SLC8A1: variants seen among roughly 807,000 people sequenced by gnomAD.
SLC8A1 encodes solute carrier family 8 member A1, also known as sodium/calcium exchanger 1.
Under a neutral mutation model 68.3 loss-of-function variants are expected in SLC8A1, and 18 were observed. That is an observed-to-expected ratio of 0.26 (90% CI 0.18 to 0.39). The LOEUF (loss-of-function observed/expected upper bound fraction) is 0.39. Among genes scored for constraint, SLC8A1 ranks in the 10% least tolerant of loss-of-function variants. The pLI is 1.00. For synonymous variants in SLC8A1, 475 were observed against 415.5 expected, an observed-to-expected ratio of 1.14 and a Z score of -1.74; for missense variants, 985 against 1,156.7, an observed-to-expected ratio of 0.85 and a Z score of 2.15.
chr2:40,333,990 G>C (rs771908123), intron 2 of SLC8A1, among the ~76,000 whole-genome samples: 16 of 152,320 alleles, frequency 1.1e-4, no homozygotes, highest in Non-Finnish European at 1.5e-4. Context: ...AGAGGTTGCA[G>C]TGAGCCGAGA....
chr2:40,104,816 T>A (rs2034096865), exon 8 of SLC8A1: 1 of 152,218 alleles, frequency 6.6e-6, no homozygotes, highest in African/African-American at 2.4e-5. Flanking sequence ...CTGTATAGTT[T>A]ATGAGCCTAT....
rs930958815 is a variant in SLC8A1 at position 40,508,470 on chromosome 2, T to A, written c.-25+3879A>T. ...ATGCTCTTTCAATATGTCTGTTTGA[T>A]GATTTTCTAAAACAATATAAAATTT... is the stretch of plus-strand genomic sequence containing the variant. On this transcript the variant is annotated intron_variant, in intron 1 of 7. Coordinates refer to the SLC8A1 transcript ENST00000402441. 4.6e-5 allele frequency among the ~76,000 whole-genome samples: 7 copies of A among 152,092 alleles called. No homozygotes were observed. In the East Asian group the frequency reaches 9.6e-4, roughly 21 times the overall value.
chr2:40,369,876 C>G (rs1036356459), intron 2 of SLC8A1, among the ~76,000 whole-genome samples: 1 of 71,966 alleles, frequency 1.4e-5, no homozygotes, highest in African/African-American at 1.4e-4. Flanking sequence ...AGAAAAAAAA[C>G]CAAAAAAATA....
chr2:40,375,750 C>T (rs1679619458), intron 2 of SLC8A1, among the ~76,000 whole-genome samples: 1 of 152,104 alleles, frequency 6.6e-6, no homozygotes, highest in South Asian at 2.1e-4. Context: ...CACCTGTAAT[C>T]CCAGCACTTT....
chr2:40,177,171 TA>T (rs1357553427), intron 3 of SLC8A1, among the ~76,000 whole-genome samples: 1 of 152,184 alleles, frequency 6.6e-6, no homozygotes, highest in Non-Finnish European at 1.5e-5. Context: ...TTTGATGATA[TA>T]AAAATATGCT....
chr2:40,229,985 TC>T (rs1343440850), intron 2 of SLC8A1, among the ~76,000 whole-genome samples: 3 of 152,138 alleles, frequency 2.0e-5, no homozygotes, highest in Non-Finnish European at 4.4e-5. Context: ...ATCTTAGAGA[TC>T]AACTAAACCA....
intron 1 of SLC8A1, among the ~76,000 whole-genome samples, chr2:40,476,601 TTA>T (rs1441406279): frequency 6.6e-6 from 1 of 152,168 alleles, no homozygotes; most frequent in African/African-American, 2.4e-5. Context: ...TGGGACAAGA[TTA>T]GTCTGGGCAG....
At chr2:40,267,818 C>T (rs1188038638) in intron 2 of SLC8A1, among the ~76,000 whole-genome samples, 5 of 152,096 alleles carry the variant, frequency 3.3e-5, no homozygotes, top group African/African-American at 9.7e-5. Flanking sequence ...AGGTGTGCAT[C>T]GAGCACACAA....
At chr2:40,324,028 TG>T (rs376852753) in intron 2 of SLC8A1, among the ~76,000 whole-genome samples, 5,259 of 134,968 alleles carry the variant, frequency 0.039, 112 homozygotes, top group Middle Eastern at 0.054. Context: ...AAGTTAAAGG[TG>T]GGGGGGGGGC....
intron 1 of SLC8A1, among the ~76,000 whole-genome samples, chr2:40,469,599 AT>A (rs36099072): frequency 0.088 from 13,393 of 151,676 alleles, 959 homozygotes; most frequent in East Asian, 0.31. Context: ...TTTTATTTTT[AT>A]TTTTTTTGCA....
At chr2:40,381,146 G>C (rs187608907) in intron 2 of SLC8A1, among the ~76,000 whole-genome samples, 1 of 152,058 alleles carries the variant, frequency 6.6e-6, no homozygotes, top group Admixed American at 6.6e-5. Flanking sequence ...ACCTCAGCTG[G>C]TTGCTCCAAA....
intron 2 of SLC8A1, chr2:40,255,097 C>G (rs2063680593): frequency 6.6e-6 from 1 of 152,068 alleles, no homozygotes; most frequent in African/African-American, 2.4e-5. Context: ...TTCTCTATGT[C>G]TGCGCTTAAG....
intron 1 of SLC8A1, among the ~76,000 whole-genome samples, chr2:40,442,041 A>C (rs1486168874): frequency 9.1e-6 from 1 of 110,156 alleles, no homozygotes; most frequent in Non-Finnish European, 1.7e-5. Flanking sequence ...ATAGTGCCGC[A>C]ATAGTGGTGG....
chr2:40,248,578 T>C (rs1397658988), intron 2 of SLC8A1, among the ~76,000 whole-genome samples: 1 of 152,222 alleles, frequency 6.6e-6, no homozygotes, highest in East Asian at 1.9e-4. Flanking sequence ...ATAAGCCACC[T>C]AGTCTATGGT....
intron 2 of SLC8A1, among the ~76,000 whole-genome samples, chr2:40,279,129 T>A (rs1055825311): frequency 6.6e-6 from 1 of 152,080 alleles, no homozygotes; most frequent in Non-Finnish European, 1.5e-5. Context: ...TAGCTATTTA[T>A]GAGTAGTTTA....
intron 2 of SLC8A1, among the ~76,000 whole-genome samples, chr2:40,249,078 T>C (rs1041102696): frequency 6.6e-6 from 1 of 152,332 alleles, no homozygotes; most frequent in African/African-American, 2.4e-5. Flanking sequence ...CCTGCTGCAA[T>C]ATCTTCTAGG....
At chr2:40,491,955 G>A (rs1223312311) in intron 1 of SLC8A1, among the ~76,000 whole-genome samples, 11 of 152,060 alleles carry the variant, frequency 7.2e-5, no homozygotes, top group Non-Finnish European at 5.9e-5. Context: ...TCCCCATCAA[G>A]CTACCAATGA....
At chr2:40,374,575 G>A (rs1288101694) in intron 2 of SLC8A1, among the ~76,000 whole-genome samples, 2 of 151,960 alleles carry the variant, frequency 1.3e-5, no homozygotes, top group Non-Finnish European at 2.9e-5. Flanking sequence ...GTAAAGGAAA[G>A]AACTAGGTAA....
intron 7 of SLC8A1, among the ~76,000 whole-genome samples, chr2:40,117,988 A>G (rs1033357681): frequency 6.6e-6 from 1 of 152,192 alleles, no homozygotes; most frequent in Non-Finnish European, 1.5e-5. Context: ...CCTATCATCA[A>G]TTCTGCCCTC....
Sources: gnomAD v4.1 joint callset for allele counts (sites outside exome capture counted in the v4.1 genomes callset) on GRCh38, gnomAD v4.1.1 for gene constraint, MANE v1.5 for transcripts, NCBI Gene and HGNC (gene_info 2026-07-23, HGNC 2026-07-21) for gene names.